AASS: variants seen among roughly 807,000 people sequenced by gnomAD.
AASS encodes the protein alpha-aminoadipic semialdehyde synthase, mitochondrial.
Under a neutral mutation model 105.4 loss-of-function variants are expected in AASS, and 86 were observed. That is an observed-to-expected ratio of 0.82 (90% CI 0.69 to 0.98). AASS has a LOEUF of 0.98. AASS is among the 50% of genes least tolerant of loss of function. The pLI is 0.00. For missense variants in AASS, 1,048 were observed against 1,143.2 expected (o/e 0.92, Z 1.20); for synonymous variants, 381 against 394.8 (o/e 0.96, Z 0.41).
At chr7:122,136,961 A>G (rs1247389724) in intron 1 of AASS, among the ~76,000 whole-genome samples, 1 of 152,214 alleles carries the variant, frequency 6.6e-6, no homozygotes. Flanking sequence ...ATACACACAT[A>G]TACTTGCAAA....
intron 23 of AASS, 126 bp from the exon 24 acceptor site, chr7:122,076,733 A>C (rs775156432): frequency 4.0e-6 from 3 of 745,248 alleles, no homozygotes; most frequent in Non-Finnish European, 7.2e-6. Context: ...GGCATTTTTT[A>C]AGTAGCTGCT....
In AASS at chr7:122,078,968, T is replaced by C. The variant is rs1255158504; in HGVS notation, c.2397-18A>G. 1.2e-6 allele frequency: 2 copies of C among 1,613,922 alleles called. No homozygotes were observed. Among genetic ancestry groups the C allele is most frequent in the African/African-American group, 2.7e-5 (2 of 74,910 alleles). On this transcript the variant is annotated intron_variant, in intron 21 of 23. Transcript: ENST00000417368. ...AGCCCAACCTGAAAAGCACAGGAGA[T>C]GGCTGCATTAGTTCAAGTCCTATAC...
intron 15 of AASS, 23 bp downstream of exon 15, chr7:122,098,427 C>T (rs1794269542): frequency 1.1e-5 from 18 of 1,610,204 alleles, no homozygotes; most frequent in Non-Finnish European, 1.5e-5. Context: ...AAATATGAAA[C>T]TCATTTCTTG....
In AASS at chr7:122,076,464, G is replaced by GA. The variant is rs759400894; in HGVS notation, c.*24dup. On this transcript the variant is annotated 3_prime_UTR_variant, in exon 24 of 24. Coordinates refer to ENST00000417368, the MANE Select transcript of AASS (RefSeq NM_005763.4). ...TGTTCAGAGGTGTATTGCCTGGGAA[G>GA]AAAAAAACAAAATATAATTCCCAAT... 1.3e-6 allele frequency: 2 copies of GA among 1,554,236 alleles called. No homozygotes were observed. Among genetic ancestry groups the GA allele is most frequent in the South Asian group, 1.1e-5 (1 of 89,956 alleles).
At chr7:122,121,082 T>A (rs763960467) in intron 4 of AASS, among the ~76,000 whole-genome samples, 25 of 152,150 alleles carry the variant, frequency 1.6e-4, no homozygotes, top group Non-Finnish European at 1.6e-4. Flanking sequence ...TTTAATGCCC[T>A]TTTTCTTGTA....
At chr7:122,124,387 A>G (rs1232949589) in intron 4 of AASS, among the ~76,000 whole-genome samples, 3 of 152,032 alleles carry the variant, frequency 2.0e-5, no homozygotes, top group African/African-American at 7.3e-5. Flanking sequence ...GATTCAAGCA[A>G]TTCTCCTGCT....
At chr7:122,114,991 G>C in intron 9 of AASS, 83 bp downstream of exon 9, 2 of 1,579,898 alleles carry the variant, frequency 1.3e-6, no homozygotes, top group South Asian at 2.2e-5. Context: ...TAGAAATCAA[G>C]TCCTCTGATA....
intron 13 of AASS, among the ~76,000 whole-genome samples, chr7:122,099,387 C>T (rs1458087245): frequency 1.3e-5 from 2 of 151,982 alleles, no homozygotes; most frequent in East Asian, 1.9e-4. Flanking sequence ...AATAGCAAAA[C>T]CATGACTTTG....
chr7:122,138,309 A>T (rs1796245094), intron 1 of AASS, among the ~76,000 whole-genome samples: 1 of 152,156 alleles, frequency 6.6e-6, no homozygotes, highest in Non-Finnish European at 1.5e-5. Context: ...GGATGCTTGA[A>T]ATCTCTGATA....
At chr7:122,114,214 G>A (rs1795067745) in intron 9 of AASS, among the ~76,000 whole-genome samples, 1 of 152,118 alleles carries the variant, frequency 6.6e-6, no homozygotes, top group African/African-American at 2.4e-5. Context: ...AACCAATGTA[G>A]AGCTAGACTG....
At chr7:122,106,713 T>C (rs1053843672) in intron 11 of AASS, among the ~76,000 whole-genome samples, 4 of 152,032 alleles carry the variant, frequency 2.6e-5, no homozygotes, top group Non-Finnish European at 5.9e-5. Context: ...ATGCAGAAGA[T>C]TAAAACTGGA....
At chr7:122,141,193 T>C (rs1428375922) in intron 1 of AASS, among the ~76,000 whole-genome samples, 1 of 152,194 alleles carries the variant, frequency 6.6e-6, no homozygotes, top group Non-Finnish European at 1.5e-5. Context: ...AAACCCTCTA[T>C]AAAATACTTT....
At chr7:122,104,057 A>G (rs1794552567) in intron 11 of AASS, among the ~76,000 whole-genome samples, 1 of 152,134 alleles carries the variant, frequency 6.6e-6, no homozygotes, top group African/African-American at 2.4e-5. Context: ...CAAATAAGCT[A>G]TAAAGCAATC....
chr7:122,082,903 C>A (rs1324106381), intron 19 of AASS: 4 of 1,252,420 alleles, frequency 3.2e-6, no homozygotes, highest in Non-Finnish European at 4.2e-6. Flanking sequence ...TAAAAGAGAA[C>A]AAATGGCTGG....
At position 122,077,836 on chromosome 7, in the gene AASS, A is replaced by C; in HGVS notation, c.2662+2T>G. 3 of 1,614,196 alleles carry C rather than the reference A, an allele frequency of 1.9e-6. No individual in the cohort carries two copies. The highest frequency in any genetic ancestry group is 2.5e-6 in the Non-Finnish European group (3 of 1,180,028). On this transcript the variant is annotated splice_donor_variant, in intron 23 of 23. Coordinates refer to ENST00000417368, the MANE Select transcript of AASS (RefSeq NM_005763.4). LOFTEE classifies it high-confidence loss of function. ...GCTTACACCTCAAATGAACAGACTT[A>C]CCATCAAGCAACATTTTGGCTGCCA... is the stretch of plus-strand genomic sequence containing the variant.
At chr7:122,126,747 C>T (rs1045819036) in intron 3 of AASS, among the ~76,000 whole-genome samples, 4 of 152,052 alleles carry the variant, frequency 2.6e-5, no homozygotes, top group South Asian at 2.1e-4. Context: ...CTTTCTGCCC[C>T]GACCCACCCA....
At chr7:122,107,356 C>G (rs1292034136) in intron 11 of AASS, among the ~76,000 whole-genome samples, 1 of 152,050 alleles carries the variant, frequency 6.6e-6, no homozygotes, top group Admixed American at 6.6e-5. Flanking sequence ...AAAAACAGAA[C>G]TACTCTTCAA....
chr7:122,101,529 A>G (rs2150524223), intron 12 of AASS, 91 bp from the exon 13 acceptor site: 1 of 1,479,630 alleles, frequency 6.8e-7, no homozygotes, highest in South Asian at 1.1e-5. Flanking sequence ...AGACAGAATG[A>G]CAAAGATGGA....
intron 18 of AASS, among the ~76,000 whole-genome samples, chr7:122,091,151 T>G (rs940017203): frequency 6.6e-6 from 1 of 152,216 alleles, no homozygotes; most frequent in Non-Finnish European, 1.5e-5. Context: ...ACCTTGGACA[T>G]GCTCTCTGAG....
Sources: allele counts gnomAD v4.1 joint callset (sites outside exome capture counted in the v4.1 genomes callset), GRCh38; gene constraint gnomAD v4.1.1; transcripts MANE v1.5; gene names NCBI Gene and HGNC (gene_info 2026-07-23, HGNC 2026-07-21).